The following GPR143 variants were observed in gnomAD, a reference collection of about 807,000 sequenced individuals.
GPR143 encodes G-protein coupled receptor 143.
Under a neutral mutation model 27.6 loss-of-function variants are expected in GPR143, and 8 were observed. The observed-to-expected ratio is 0.29, with a 90% CI of 0.17 to 0.52. GPR143 has a LOEUF of 0.52. Ranked by LOEUF, GPR143 falls within the 20% of genes least tolerant of loss-of-function variation. The pLI is 0.96. For missense variants in GPR143, 303 were observed against 343.1 expected, an observed-to-expected ratio of 0.88 and a Z score of 0.92; for synonymous variants, 156 against 153.2, an observed-to-expected ratio of 1.02 and a Z score of -0.13.
chrX:9,747,789 C>T (rs1466197073), intron 4 of GPR143: 1 of 112,208 alleles, frequency 8.9e-6, no homozygotes, highest in Non-Finnish European at 1.9e-5. Context: ...TGTTGTCATG[C>T]AAAAGCAGTC....
chrX:9,758,880 C>T (rs930031112), intron 3 of GPR143, among the ~76,000 whole-genome samples: 1 of 111,748 alleles, frequency 8.9e-6, no homozygotes, highest in Non-Finnish European at 1.9e-5. Flanking sequence ...AAAGCGAGAC[C>T]CTGCCTCTAA....
At chrX:9,743,758 C>A in intron 5 of GPR143, 85 bp from the exon 6 acceptor site, 1 of 619,364 alleles carries the variant, frequency 1.6e-6, no homozygotes, top group African/African-American at 2.2e-5. Context: ...CAGGTGTGAG[C>A]CCACAAGCAA....
At chrX:9,774,943 A>G (rs1351606251) in intron 1 of GPR143, among the ~76,000 whole-genome samples, 1 of 111,051 alleles carries the variant, frequency 9.0e-6, no homozygotes, top group Non-Finnish European at 1.9e-5. Context: ...GGCTCACTGC[A>G]GCCTTGACCT....
At chrX:9,756,460 GA>G (rs1265539797) in intron 3 of GPR143, among the ~76,000 whole-genome samples, 1 of 112,341 alleles carries the variant, frequency 8.9e-6, no homozygotes, top group African/African-American at 3.2e-5. Context: ...ACAAACCACA[GA>G]ATGGGAGAAA....
chrX:9,727,198 G>A (rs1462370592), intron 8 of GPR143, among the ~76,000 whole-genome samples: 1 of 112,723 alleles, frequency 8.9e-6, no homozygotes, highest in Non-Finnish European at 1.9e-5. Context: ...TTAACCAATC[G>A]AACATTGCCT....
chrX:9,775,440 T>C (rs759533790), intron 1 of GPR143, among the ~76,000 whole-genome samples: 6 of 111,941 alleles, frequency 5.4e-5, no homozygotes, highest in Non-Finnish European at 9.4e-5. Context: ...TGATATTATA[T>C]GATTGCCTTC....
At chrX:9,778,487 G>A (rs1832018305) in intron 1 of GPR143, among the ~76,000 whole-genome samples, 1 of 110,461 alleles carries the variant, frequency 9.1e-6, no homozygotes, top group Non-Finnish European at 1.9e-5. Flanking sequence ...TGAGGTGGCA[G>A]GAAGGAGAAA....
chrX:9,761,008 G>GATACATAATA, intron 1 of GPR143, among the ~76,000 whole-genome samples, 182 bp from the exon 2 acceptor site: 1 of 110,329 alleles, frequency 9.1e-6, no homozygotes, highest in Non-Finnish European at 1.9e-5. Context: ...AAGGAAGAAA[G>GATACATAATA]GAAGAAAAAA....
At chrX:9,771,159 T>G (rs1173124842), upstream of GPR143, among the ~76,000 whole-genome samples, 1 of 111,012 alleles carries the variant, frequency 9.0e-6, no homozygotes, top group East Asian at 2.8e-4. Context: ...GGCATGGTGG[T>G]GCAGTCCTCC....
intron 8 of GPR143, among the ~76,000 whole-genome samples, chrX:9,731,807 G>C (rs1474336800): frequency 1.0e-5 from 1 of 96,153 alleles, no homozygotes; most frequent in African/African-American, 3.5e-5. Flanking sequence ...TGGGGGGGGG[G>C]GGAAGGAATT....
chrX:9,751,104 C>T (rs759924817), intron 3 of GPR143, among the ~76,000 whole-genome samples: 10 of 112,812 alleles, frequency 8.9e-5, no homozygotes, highest in African/African-American at 2.2e-4. Context: ...TTCTCAGAGC[C>T]GTGAGTTGCT....
At chrX:9,778,278 C>T (rs1037956453) in intron 1 of GPR143, among the ~76,000 whole-genome samples, 12 of 111,700 alleles carry the variant, frequency 1.1e-4, no homozygotes, top group Non-Finnish European at 2.3e-4. Flanking sequence ...TCTGGCCACT[C>T]GTGTCCTCTC....
At chrX:9,771,349 C>T (rs2083553953) in intron 1 of GPR143, among the ~76,000 whole-genome samples, 1 of 111,855 alleles carries the variant, frequency 8.9e-6, no homozygotes, top group East Asian at 2.8e-4. Flanking sequence ...GCCTGAGTCA[C>T]CTCACCCAGA....
chrX:9,777,176 A>T (rs1032132938), intron 1 of GPR143, among the ~76,000 whole-genome samples: 116 of 112,801 alleles, frequency 1.0e-3, no homozygotes, highest in African/African-American at 3.6e-3. Context: ...ACAATAAAAT[A>T]AGAAATATGC....
chrX:9,762,436 C>T (rs2083507051), intron 1 of GPR143, among the ~76,000 whole-genome samples: 1 of 111,008 alleles, frequency 9.0e-6, no homozygotes, highest in South Asian at 3.8e-4. Flanking sequence ...GAACTGTAAA[C>T]AACACCAAGC....
intron 3 of GPR143, among the ~76,000 whole-genome samples, chrX:9,758,789 G>A (rs1386585955): frequency 9.0e-6 from 1 of 110,836 alleles, no homozygotes; most frequent in Admixed American, 9.7e-5. Flanking sequence ...TGAGGAGGCC[G>A]AGGTGGAAGA....
intron 1 of GPR143, 152 bp from the exon 2 acceptor site, chrX:9,760,978 G>A: frequency 3.3e-5 from 14 of 420,551 alleles, no homozygotes; most frequent in Admixed American, 1.5e-4. Context: ...AGAGAGGGAG[G>A]GAAAAAGACA....
intron 2 of GPR143, among the ~76,000 whole-genome samples, chrX:9,760,350 C>A (rs1434145415): frequency 8.9e-6 from 1 of 112,069 alleles, no homozygotes; most frequent in African/African-American, 3.2e-5. Context: ...CCTTGGCCTC[C>A]CAAAGTGCTG....
In GPR143 at chrX:9,771,709, C is replaced by CTTTTTTTTTTTTTTTTT. The variant is rs752477509; in HGVS notation, c.-2-10884_-2-10883insAAAAAAAAAAAAAAAAA. ...CCAACTAAGCCATGGAGCATTCTCT[C>CTTTTTTTTTTTTTTTTT]TCTTTTTTTTTTTTTTTTGGATGGA... On this transcript the variant is annotated intron_variant, in intron 1 of 7. Coordinates refer to the GPR143 transcript ENST00000447366. Among the ~76,000 whole-genome samples, 2 of 92,818 alleles carry CTTTTTTTTTTTTTTTTT rather than the reference C, an allele frequency of 2.2e-5. 1 individual carries two copies. 80.6% of individuals were successfully genotyped at this position (92,818 alleles called of 115,157 possible).
Sources: allele counts gnomAD v4.1 joint callset (sites outside exome capture counted in the v4.1 genomes callset), GRCh38; gene constraint gnomAD v4.1.1; transcripts MANE v1.5; gene names NCBI Gene and HGNC (gene_info 2026-07-23, HGNC 2026-07-21).